The following USP43 variants were observed in gnomAD, a reference collection of about 807,000 sequenced individuals.
USP43 encodes ubiquitin carboxyl-terminal hydrolase 43.
In USP43, 33 loss-of-function variants were observed where a neutral mutation model predicts 90.7. The ratio of observed to expected loss-of-function variants is 0.36; its 90% CI spans 0.28 to 0.49. The LOEUF (loss-of-function observed/expected upper bound fraction) is 0.49, where lower values mean the gene tolerates loss of function less well. Among genes scored for constraint, USP43 ranks in the 20% least tolerant of loss-of-function variants. The pLI is 0.98. For synonymous variants in USP43, 598 were observed against 615.8 expected (o/e 0.97, Z 0.43); for missense variants, 1,274 against 1,476.4 (o/e 0.86, Z 2.25).
chr17:9,688,750 G>T (rs914649571), intron 8 of USP43, among the ~76,000 whole-genome samples: 1 of 152,010 alleles, frequency 6.6e-6, no homozygotes, highest in African/African-American at 2.4e-5. Context: ...GCCGTGGTGC[G>T]GTAATGGCTC....
At chr17:9,669,083 A>G (rs1291960310) in intron 3 of USP43, among the ~76,000 whole-genome samples, 1 of 151,176 alleles carries the variant, frequency 6.6e-6, no homozygotes, top group Admixed American at 6.6e-5. Flanking sequence ...TGACCTTGTG[A>G]TCCACCTGCC....
intron 14 of USP43, among the ~76,000 whole-genome samples, chr17:9,715,853 G>C (rs926962903): frequency 4.6e-5 from 7 of 151,324 alleles, no homozygotes; most frequent in Non-Finnish European, 1.0e-4. Context: ...GTGTATATGT[G>C]TCTGTGTGTG....
intron 2 of USP43, among the ~76,000 whole-genome samples, chr17:9,661,521 G>A (rs977514821): frequency 6.6e-6 from 1 of 152,010 alleles, no homozygotes; most frequent in African/African-American, 2.4e-5. Flanking sequence ...CACCACACCT[G>A]CTTAATTTTT....
At chr17:9,649,449 G>C (rs1477928481) in intron 1 of USP43, among the ~76,000 whole-genome samples, 1 of 151,840 alleles carries the variant, frequency 6.6e-6, no homozygotes, top group Non-Finnish European at 1.5e-5. Context: ...TGTTGCTGAG[G>C]TTTGAGCTTC....
At chr17:9,653,615 G>T (rs1912028359) in intron 1 of USP43, among the ~76,000 whole-genome samples, 1 of 151,602 alleles carries the variant, frequency 6.6e-6, no homozygotes, top group Non-Finnish European at 1.5e-5. Context: ...AAAAGTAAAG[G>T]TCTAGACTGT....
chr17:9,680,189 T>C (rs767271580), intron 5 of USP43, 42 bp from the exon 6 acceptor site: 1 of 1,602,712 alleles, frequency 6.2e-7, no homozygotes, highest in East Asian at 2.2e-5. Context: ...TGTTGATTTC[T>C]CTTTCAGAAA....
chr17:9,677,516 T>C lies in USP43; in HGVS notation c.969+635T>C, dbSNP rs1342925058. 2.6e-5 allele frequency among the ~76,000 whole-genome samples: 4 copies of C among 152,246 alleles called. 1 individual carries two copies. The East Asian group carries it at 5.8e-4, about 22-fold the overall frequency. On this transcript the variant is annotated intron_variant, in intron 5 of 14. Transcript: ENST00000285199. ...TGGGATGGCTGTGTTCTACCTGTTTTCTTTTCAAACGAGTCTTAGTAAAGC... is the reference window on the plus strand; with the variant it reads ...TGGGATGGCTGTGTTCTACCTGTTTCCTTTTCAAACGAGTCTTAGTAAAGC...
chr17:9,686,994 G>A lies in USP43; in HGVS notation c.1353+85G>A, dbSNP rs1234498205. The A allele has an allele frequency of 1.6e-6, 2 of 1,242,740 alleles. No individual in the cohort carries two copies. Among genetic ancestry groups the A allele is most frequent in the South Asian group, 1.3e-5 (1 of 76,530 alleles). 77.0% of individuals were successfully genotyped at this position (1,242,740 alleles called of 1,614,324 possible). A position where few individuals can be genotyped will look rare whatever the true frequency, so the allele number is the denominator to read the frequency against. The stretch of plus-strand genomic sequence containing the variant: ...GTGGGTGTGTGTATTGGGAGGGGTG[G>A]AATTTAGTGTAGCCCAGGAGAGGAT... On this transcript the variant is annotated intron_variant, in intron 8 of 14. Coordinates refer to ENST00000285199, the MANE Select transcript of USP43 (RefSeq NM_153210.5). The surrounding 1 kb of genome is among the most constrained non-coding windows in gnomAD (Gnocchi z 5.5).
intron 8 of USP43, among the ~76,000 whole-genome samples, chr17:9,690,745 T>A (rs1368724718): frequency 6.6e-6 from 1 of 151,718 alleles, no homozygotes; most frequent in East Asian, 1.9e-4. Context: ...ATTAGCCAGG[T>A]GTGGTGGCAG....
At chr17:9,669,296 A>T (rs1328230467) in intron 3 of USP43, among the ~76,000 whole-genome samples, 1 of 152,174 alleles carries the variant, frequency 6.6e-6, no homozygotes, top group Non-Finnish European at 1.5e-5. Flanking sequence ...GAGGGGAGAG[A>T]TCACTGATCA....
intron 14 of USP43, among the ~76,000 whole-genome samples, 176 bp from the exon 15 acceptor site, chr17:9,727,778 G>A (rs549717274): frequency 6.6e-6 from 1 of 152,304 alleles, no homozygotes; most frequent in Admixed American, 6.5e-5. Flanking sequence ...TTGAGGAAGA[G>A]TGGGTGAAAC....
At chr17:9,707,540 G>A (rs983574666) in intron 12 of USP43, among the ~76,000 whole-genome samples, 12 of 151,336 alleles carry the variant, frequency 7.9e-5, no homozygotes, top group Middle Eastern at 3.2e-3. Flanking sequence ...CCAACTACTC[G>A]GGAGGCTGAG....
intron 14 of USP43, among the ~76,000 whole-genome samples, chr17:9,714,538 C>G (rs1387957012): frequency 1.3e-5 from 2 of 151,456 alleles, no homozygotes. Flanking sequence ...AAAAAATTAG[C>G]TGGGCATGGT....
rs559940951 is a variant in USP43 at position 9,729,252 on chromosome 17, T to C, written c.*262T>C. 8 of 291,532 alleles carry C rather than the reference T, an allele frequency of 2.7e-5. No homozygotes were observed. The highest frequency in any genetic ancestry group is 4.4e-5 in the Non-Finnish European group (7 of 160,592). The allele number at this position is 291,532 out of a possible 1,614,324, so 18.1% of individuals were successfully genotyped here. ...CTAGAGGATGCTATTGGGTCAGTAT[T>C]ACCAGTTTCAGGGCAAGAACTGATA... On this transcript the variant is annotated 3_prime_UTR_variant, in exon 15 of 15. Coordinates refer to ENST00000285199, the MANE Select transcript of USP43 (RefSeq NM_153210.5).
chr17:9,707,857 G>T (rs950772838), intron 12 of USP43, among the ~76,000 whole-genome samples: 1 of 152,128 alleles, frequency 6.6e-6, no homozygotes, highest in Admixed American at 6.6e-5. Context: ...CTTCAGTGAT[G>T]AACAAGACAA....
intron 3 of USP43, among the ~76,000 whole-genome samples, chr17:9,673,457 C>T (rs1913570224): frequency 6.6e-6 from 1 of 152,090 alleles, no homozygotes; most frequent in Non-Finnish European, 1.5e-5. Flanking sequence ...TGCAGTGAGT[C>T]GAGATCGCGC....
At chr17:9,725,292 T>C (rs370874062) in intron 14 of USP43, among the ~76,000 whole-genome samples, 1 of 126,064 alleles carries the variant, frequency 7.9e-6, no homozygotes, top group East Asian at 2.8e-4. Context: ...AGGCTCAGAC[T>C]GGCTGGAAAC....
intron 6 of USP43, 64 bp from the exon 7 acceptor site, chr17:9,682,759 A>C: frequency 6.4e-7 from 1 of 1,569,526 alleles, no homozygotes; most frequent in African/African-American, 1.3e-5. Context: ...AGAGAAGCTA[A>C]GGCTCTGACC....
intron 2 of USP43, among the ~76,000 whole-genome samples, chr17:9,659,062 G>A (rs2151964836): frequency 6.6e-6 from 1 of 152,262 alleles, no homozygotes; most frequent in African/African-American, 2.4e-5. Flanking sequence ...GTGAACGTGG[G>A]CCAAGGAGAG....
Sources: gnomAD v4.1 joint callset for allele counts (sites outside exome capture counted in the v4.1 genomes callset) on GRCh38, gnomAD v4.1.1 for gene constraint, Gnocchi (gnomAD v3.1) non-coding constraint, MANE v1.5 for transcripts, NCBI Gene and HGNC (gene_info 2026-07-23, HGNC 2026-07-21) for gene names.